IFT56: variants seen among roughly 807,000 people sequenced by gnomAD.
The protein encoded by IFT56 is intraflagellar transport protein 56.
chr7:139,140,788 A>AAAG, the IFT56 span, among the ~76,000 whole-genome samples: 2 of 151,266 alleles, frequency 1.3e-5, no homozygotes, highest in African/African-American at 4.9e-5. Flanking sequence ...AAAAAAAAAA[A>AAAG]AAAAAAAAAA....
chr7:139,178,527 A>C, the IFT56 span: 2 of 1,614,014 alleles, frequency 1.2e-6, no homozygotes, highest in Non-Finnish European at 1.7e-6. Flanking sequence ...TTACTTCTAT[A>C]ATGATGACAT....
chr7:139,178,470 T>C, the IFT56 span: 40 of 1,560,338 alleles, frequency 2.6e-5, no homozygotes, highest in Non-Finnish European at 3.5e-5. Flanking sequence ...GGTTATATTT[T>C]ATATGTTAAT....
At chr7:139,180,804 T>C in the IFT56 span, among the ~76,000 whole-genome samples, 1 of 152,170 alleles carries the variant, frequency 6.6e-6, no homozygotes, top group East Asian at 1.9e-4. Context: ...CGAGTAGGAT[T>C]GAATGAATGA....
At chr7:139,181,651 T>C in the IFT56 span, among the ~76,000 whole-genome samples, 1 of 152,198 alleles carries the variant, frequency 6.6e-6, no homozygotes, top group Admixed American at 6.5e-5. Flanking sequence ...AGAGTGTACT[T>C]ACACAAACCT....
the IFT56 span, chr7:139,178,552 A>G: frequency 6.2e-7 from 1 of 1,614,206 alleles, no homozygotes; most frequent in Non-Finnish European, 8.5e-7. Flanking sequence ...AACTTTAATT[A>G]TGCCCAAGCC....
At chr7:139,141,521 T>C in the IFT56 span, among the ~76,000 whole-genome samples, 14 of 152,246 alleles carry the variant, frequency 9.2e-5, no homozygotes. Context: ...TTACTTACTT[T>C]ATCTCATATT....
chr7:139,181,325 A>G, the IFT56 span: 3 of 613,744 alleles, frequency 4.9e-6, no homozygotes, highest in Non-Finnish European at 5.6e-6. Context: ...GTAGTGTTAT[A>G]AGAGATGCCA....
chr7:139,187,567 T>A, the IFT56 span: 1 of 1,610,364 alleles, frequency 6.2e-7, no homozygotes, highest in South Asian at 1.1e-5. Flanking sequence ...AAATACTACC[T>A]CTACTCATTT....
the IFT56 span, chr7:139,146,931 ATTGTCG>A: frequency 7.0e-7 from 1 of 1,430,092 alleles, no homozygotes; most frequent in Non-Finnish European, 9.4e-7. Context: ...AGGGCTTTCC[ATTGTCG>A]TTGTCAAGCT....
chr7:139,148,461 A>T, the IFT56 span: 2 of 1,314,524 alleles, frequency 1.5e-6, no homozygotes. Flanking sequence ...AAACTCTGTT[A>T]TCTGTAACTC....
chr7:139,187,336 T>A, the IFT56 span: 2 of 1,561,964 alleles, frequency 1.3e-6, no homozygotes, highest in African/African-American at 1.4e-5. Flanking sequence ...TTTCATGTTA[T>A]CTTTATGTTC....
At chr7:139,169,452 C>A in the IFT56 span, 1 of 1,063,164 alleles carries the variant, frequency 9.4e-7, no homozygotes, top group Non-Finnish European at 1.4e-6. Flanking sequence ...ATCTATTAGG[C>A]TTCACATTAT....
the IFT56 span, chr7:139,187,622 C>CTGAAAGATATCATCTTTCATAATCA: frequency 6.7e-7 from 1 of 1,486,718 alleles, no homozygotes; most frequent in African/African-American, 1.4e-5. Flanking sequence ...ATGATATCTT[C>CTGAAAGATATCATCTTTCATAATCA]TGAAAACACA....
chr7:139,186,864 A>G, the IFT56 span, among the ~76,000 whole-genome samples: 43,335 of 149,324 alleles, frequency 0.29, 12,465 homozygotes, highest in African/African-American at 0.73. Context: ...GGAGGCTGAG[A>G]CGGGTGGATC....
the IFT56 span, chr7:139,189,518 GCT>G: frequency 1.1e-6 from 1 of 937,902 alleles, no homozygotes; most frequent in Non-Finnish European, 1.7e-6. Context: ...GTGATACAGG[GCT>G]CTGTTTTATT....
the IFT56 span, chr7:139,173,187 A>G: frequency 1.8e-6 from 1 of 555,012 alleles, no homozygotes; most frequent in Non-Finnish European, 3.3e-6. Context: ...TGTTTATGGC[A>G]CTTTCCTTAA....
the IFT56 span, among the ~76,000 whole-genome samples, chr7:139,156,423 T>C: frequency 0.052 from 7,900 of 151,932 alleles, 289 homozygotes; most frequent in South Asian, 0.16. Flanking sequence ...TAATTTGTGG[T>C]CTTTCTTATT....
At chr7:139,185,278 A>G in the IFT56 span, among the ~76,000 whole-genome samples, 2 of 152,024 alleles carry the variant, frequency 1.3e-5, no homozygotes, top group Non-Finnish European at 2.9e-5. Context: ...ATGAAATAAC[A>G]GGACCATCAT....
chr7:139,183,877 A>C, the IFT56 span, among the ~76,000 whole-genome samples: 1 of 152,220 alleles, frequency 6.6e-6, no homozygotes, highest in African/African-American at 2.4e-5. Context: ...AAAACTGGAG[A>C]CAAAGTCTTT....
Sources: allele counts gnomAD v4.1 joint callset (sites outside exome capture counted in the v4.1 genomes callset), GRCh38; gene constraint gnomAD v4.1.1; transcripts MANE v1.5; gene names NCBI Gene and HGNC (gene_info 2026-07-23, HGNC 2026-07-21).